HTR2C: variants seen among roughly 807,000 people sequenced by gnomAD.
HTR2C encodes 5-hydroxytryptamine receptor 2C.
Under a neutral mutation model 21.0 loss-of-function variants are expected in HTR2C, and 5 were observed. That is an observed-to-expected ratio of 0.24 (90% confidence interval 0.12 to 0.50). HTR2C has a LOEUF of 0.50. Ranked by LOEUF, HTR2C falls within the 20% of genes least tolerant of loss-of-function variation. The pLI, the probability that HTR2C is intolerant of heterozygous loss-of-function variation, is 0.98. For synonymous variants in HTR2C, 150 were observed against 145.3 expected (o/e 1.03, Z -0.23); for missense variants, 271 against 371.2 (o/e 0.73, Z 2.22).
intron 5 of HTR2C, among the ~76,000 whole-genome samples, chrX:114,852,968 G>T (rs2070931875): frequency 9.0e-6 from 1 of 111,520 alleles, no homozygotes; most frequent in Non-Finnish European, 1.9e-5. Context: ...TGATCAAAGG[G>T]TACATGTAGT....
chrX:114,671,524 T>G (rs1556411722), intron 2 of HTR2C, among the ~76,000 whole-genome samples: 1 of 112,121 alleles, frequency 8.9e-6, no homozygotes, highest in Non-Finnish European at 1.9e-5. Context: ...AAGATTTGGG[T>G]TTGACATTTG....
At chrX:114,798,448 A>G (rs187671391) in intron 4 of HTR2C, among the ~76,000 whole-genome samples, 255 of 111,681 alleles carry the variant, frequency 2.3e-3, no homozygotes, top group African/African-American at 7.4e-3. Context: ...ATGTCAGAAA[A>G]TCATGTAATT....
intron 4 of HTR2C, chrX:114,775,535 G>A: frequency 2.0e-6 from 1 of 488,543 alleles, no homozygotes; most frequent in Non-Finnish European, 3.8e-6. Context: ...TATGCTTGAT[G>A]AGGACAGGAG....
chrX:114,884,384 AAAATGTTTGT>A (rs1360262406), intron 5 of HTR2C, among the ~76,000 whole-genome samples: 1 of 111,319 alleles, frequency 9.0e-6, no homozygotes, highest in Non-Finnish European at 1.9e-5. Context: ...GGAATGGGAG[AAAATGTTTGT>A]AAACCATACA....
chrX:114,900,563 G>A (rs1297135647), intron 5 of HTR2C: 1 of 111,915 alleles, frequency 8.9e-6, no homozygotes, highest in Non-Finnish European at 1.9e-5. Flanking sequence ...AGCATCACCA[G>A]ACTTCAAGAA....
chrX:114,825,039 T>C (rs1035127920), intron 4 of HTR2C, among the ~76,000 whole-genome samples: 3 of 111,696 alleles, frequency 2.7e-5, no homozygotes, highest in African/African-American at 9.8e-5. Flanking sequence ...TGTTGAGAGG[T>C]TTATCAGTTT....
intron 2 of HTR2C, among the ~76,000 whole-genome samples, chrX:114,699,748 A>G (rs1209879737): frequency 8.9e-6 from 1 of 111,866 alleles, no homozygotes; most frequent in Non-Finnish European, 1.9e-5. Flanking sequence ...GTCTACCTCC[A>G]CAACTTCACA....
chrX:114,701,582 C>A (rs200660719), intron 2 of HTR2C, among the ~76,000 whole-genome samples: 1 of 110,954 alleles, frequency 9.0e-6, no homozygotes, highest in South Asian at 3.8e-4. Context: ...CATCAAAGAC[C>A]AAAAGTAGAT....
intron 4 of HTR2C, among the ~76,000 whole-genome samples, chrX:114,758,880 C>G: frequency 9.0e-6 from 1 of 111,469 alleles, no homozygotes; most frequent in South Asian, 3.7e-4. Context: ...AAATATATCC[C>G]CCCACTTTTG....
chrX:114,760,447 A>G (rs1556431924), intron 4 of HTR2C, among the ~76,000 whole-genome samples: 1 of 111,979 alleles, frequency 8.9e-6, no homozygotes, highest in Non-Finnish European at 1.9e-5. Context: ...AATATCTGCT[A>G]TGGAGCACTC....
At position 114,617,359 on chromosome X, in the gene HTR2C, G is replaced by A. The variant is rs191143726; in HGVS notation, c.-80+3478G>A. On this transcript the variant is annotated intron_variant, in intron 2 of 5. Coordinates refer to ENST00000276198, the MANE Select transcript of HTR2C (RefSeq NM_000868.4). ...GGAGGCTGAAGTGGGAGAATTGCTT[G>A]AGCCCAGGAAGTCAAGGCTGCAGTG... 4.6e-3 allele frequency among the ~76,000 whole-genome samples: 513 copies of A among 111,785 alleles called. 3 individuals carry two copies. The highest frequency in any genetic ancestry group is 0.016 in the African/African-American group (491 of 30,770).
intron 5 of HTR2C, among the ~76,000 whole-genome samples, chrX:114,862,003 A>G (rs782494543): frequency 9.0e-6 from 1 of 110,572 alleles, no homozygotes; most frequent in Non-Finnish European, 1.9e-5. Context: ...CCATTTATTT[A>G]TTTTTGCTTT....
intron 4 of HTR2C, among the ~76,000 whole-genome samples, chrX:114,836,249 T>G (rs1350496666): frequency 7.2e-5 from 8 of 111,220 alleles, no homozygotes; most frequent in African/African-American, 1.6e-4. Flanking sequence ...TCGAGCTTCC[T>G]GGCTGCTTTG....
rs782625550 is a variant in HTR2C, at chrX:114,701,693, G to A, written c.-79-25165G>A. 9.8e-5 allele frequency among the ~76,000 whole-genome samples: 11 copies of A among 112,405 alleles called. No individual in the cohort carries two copies. In the East Asian group the frequency reaches 1.7e-3, roughly 17 times the overall value. On this transcript the variant is annotated intron_variant, in intron 2 of 5. Transcript: ENST00000276198. ...AGGAACGCAGTTCCTCACCAGCAAC[G>A]GAACAAAGCTGGACGGAGAATGACC... is the stretch of plus-strand genomic sequence containing the variant.
At chrX:114,605,244 A>T (rs1173260534) in intron 1 of HTR2C, among the ~76,000 whole-genome samples, 2 of 112,476 alleles carry the variant, frequency 1.8e-5, no homozygotes, top group African/African-American at 3.3e-5. Flanking sequence ...CTAGTCATGG[A>T]ACGAAACTGT....
intron 2 of HTR2C, among the ~76,000 whole-genome samples, chrX:114,628,753 A>C (rs967972067): frequency 8.9e-6 from 1 of 111,865 alleles, no homozygotes; most frequent in African/African-American, 3.3e-5. Flanking sequence ...AACAGCCACC[A>C]ATAAAATAAA....
intron 4 of HTR2C, among the ~76,000 whole-genome samples, chrX:114,736,198 T>G (rs1458866563): frequency 9.0e-6 from 1 of 111,258 alleles, no homozygotes; most frequent in Admixed American, 9.6e-5. Context: ...AACATATCAG[T>G]AAGTAATAAT....
At chrX:114,902,282 T>C (rs907993513) in intron 5 of HTR2C, among the ~76,000 whole-genome samples, 10 of 111,679 alleles carry the variant, frequency 9.0e-5, no homozygotes, top group South Asian at 3.7e-4. Flanking sequence ...TTGCTGAACT[T>C]AACTCTCTAG....
chrX:114,588,080 AAGAC>A (rs2147785784), intron 1 of HTR2C, among the ~76,000 whole-genome samples: 1 of 112,565 alleles, frequency 8.9e-6, no homozygotes, highest in South Asian at 3.6e-4. Context: ...AGCTGTGGCT[AAGAC>A]AGTGTCATCT....
Sources: allele counts gnomAD v4.1 joint callset (sites outside exome capture counted in the v4.1 genomes callset), GRCh38; gene constraint gnomAD v4.1.1; transcripts MANE v1.5; gene names NCBI Gene and HGNC (gene_info 2026-07-23, HGNC 2026-07-21).